The following TBC1D23 variants were observed in gnomAD, a reference collection of about 807,000 sequenced individuals.
TBC1D23 encodes TBC1 domain family member 23.
TBC1D23 carries 55 observed loss-of-function variants against 91.4 expected under a neutral mutation model. That is an observed-to-expected ratio of 0.60 (90% confidence interval 0.48 to 0.75). The LOEUF is 0.75. Among genes scored for constraint, TBC1D23 ranks in the 30% least tolerant of loss-of-function variants. The pLI is 0.00. For missense variants in TBC1D23, 725 were observed against 836.1 expected (o/e 0.87, Z 1.64); for synonymous variants, 289 against 281.0 (o/e 1.03, Z -0.28).
intron 5 of TBC1D23, among the ~76,000 whole-genome samples, chr3:100,291,451 G>A (rs561693594): frequency 4.3e-4 from 65 of 152,010 alleles, no homozygotes; most frequent in African/African-American, 1.1e-3. Flanking sequence ...GTGTGGTGGC[G>A]TGTACCTGTA....
At position 100,320,827 on chromosome 3, in the gene TBC1D23, C is replaced by G; in HGVS notation, c.1874C>G (p.Ser625Ter). 6.2e-7 allele frequency: 1 copy of G among 1,610,228 alleles called. No individual in the cohort carries two copies. The change falls in exon 18 of 19, where the codon TCA becomes TGA. Residue 625 changes from serine (S) to a stop codon, truncating the protein, a stop_gained. Transcript: ENST00000394144. LOFTEE classifies it high-confidence loss of function. ...ATGTACTGTTTAAGGGAGATTGTTT[C>G]ACGGAAAGGATTGGCTTATATACAG... ...THMYCLREIV[S>*]RKGLAYIQSR...
intron 15 of TBC1D23, chr3:100,315,775 C>T (rs1705732567): frequency 3.5e-6 from 1 of 288,394 alleles, no homozygotes; most frequent in African/African-American, 2.1e-5. Context: ...ATCAGAAACA[C>T]AAAAGGCTAA....
intron 15 of TBC1D23, among the ~76,000 whole-genome samples, chr3:100,313,898 A>T (rs957264508): frequency 2.7e-5 from 4 of 150,468 alleles, no homozygotes; most frequent in Admixed American, 2.0e-4. Flanking sequence ...TTTACAGGAC[A>T]ATTTTGTATT....
At chr3:100,264,775 A>G (rs563285695) in intron 1 of TBC1D23, among the ~76,000 whole-genome samples, 1 of 152,318 alleles carries the variant, frequency 6.6e-6, no homozygotes, top group East Asian at 1.9e-4. Context: ...GAAGATCTTA[A>G]AAGTATGTGG....
chr3:100,295,191 A>G lies in TBC1D23; in HGVS notation c.705A>G (p.Leu235=). The change falls in exon 6 of 19, where the codon TTA becomes TTG. Residue 235 remains leucine, a synonymous_variant. Coordinates refer to ENST00000394144, the MANE Select transcript of TBC1D23 (RefSeq NM_001199198.3). ...CATTTTTTATTTATTTCTTAATGTT[A>G]ATTATCCTTGTTAATGCAAAGTAAG... ...ADPFFIYFLM[L]IILVNAKEVI... is the part of the protein sequence containing the mutation. 2 of 1,602,412 alleles carry G rather than the reference A, an allele frequency of 1.2e-6. No individual in the cohort carries two copies. The highest frequency in any genetic ancestry group is 1.7e-6 in the Non-Finnish European group (2 of 1,175,978).
chr3:100,302,834 C>T (rs1403273378), intron 11 of TBC1D23, among the ~76,000 whole-genome samples: 1 of 152,178 alleles, frequency 6.6e-6, no homozygotes, highest in African/African-American at 2.4e-5. Context: ...GTGATCCGCC[C>T]TCCTCGGCCT....
rs71132518 is a variant in TBC1D23, at chr3:100,309,610, C to CTTTTTTTTTTTTTT, written c.1414-787_1414-774dup. On this transcript the variant is annotated intron_variant, in intron 13 of 18. Transcript: ENST00000394144. ...TATCCTAAATTTTTTATTCTACCTT[C>CTTTTTTTTTTTTTT]TTTTTTTTTTTTTTTTTTTGAGACA... Among the ~76,000 whole-genome samples, 40 of 116,118 alleles carry CTTTTTTTTTTTTTT rather than the reference C, an allele frequency of 3.4e-4. 2 individuals are homozygous for CTTTTTTTTTTTTTT. Among genetic ancestry groups the CTTTTTTTTTTTTTT allele is most frequent in the African/African-American group, 1.1e-3 (33 of 31,416 alleles). 76.2% of individuals were successfully genotyped at this position (116,118 alleles called of 152,430 possible). A position where few individuals can be genotyped will look rare whatever the true frequency, so the allele number is the denominator to read the frequency against.
chr3:100,324,510 T>A lies in TBC1D23; in HGVS notation c.*842T>A, dbSNP rs1705919299. 6.6e-6 allele frequency: 1 copy of A among 152,212 alleles called. No individual in the cohort carries two copies. The highest frequency in any genetic ancestry group is 1.5e-5 in the Non-Finnish European group (1 of 68,026). 9.4% of individuals were successfully genotyped at this position (152,212 alleles called of 1,614,324 possible). On this transcript the variant is annotated 3_prime_UTR_variant, in exon 19 of 19. Transcript: ENST00000394144. ...ACATTGATTTATCCTCATTGAGGAT[T>A]ATGGTCTGTGACCACAGTAATATCC...
rs532925188 is a variant in TBC1D23, at chr3:100,272,043, G to GA, written c.54-7605dup. ...CCTTACCTTTGTCTCCATCCACAGGGAGTATGGGGAGGATACTTACTCCCT... is the reference window on the plus strand; with the variant it reads ...CCTTACCTTTGTCTCCATCCACAGGGAAGTATGGGGAGGATACTTACTCCCT... On this transcript the variant is annotated intron_variant, in intron 1 of 18. Coordinates refer to ENST00000394144, the MANE Select transcript of TBC1D23 (RefSeq NM_001199198.3). 1.8e-3 allele frequency among the ~76,000 whole-genome samples: 279 copies of GA among 152,302 alleles called. 1 individual carries two copies. Among genetic ancestry groups the GA allele is most frequent in the African/African-American group, 6.3e-3 (260 of 41,566 alleles).
At chr3:100,279,627 A>G (rs1252263542) in intron 1 of TBC1D23, 22 bp from the exon 2 acceptor site, 1 of 1,441,388 alleles carries the variant, frequency 6.9e-7, no homozygotes. Context: ...GTTCATTTTA[A>G]TAAATAGGAC....
Position 100,295,076 on chromosome 3 carries a change from C to T in TBC1D23, c.601-11C>T, listed in dbSNP as rs772130455. 4 of 1,563,552 alleles carry T rather than the reference C, an allele frequency of 2.6e-6. No homozygotes were observed. The highest frequency in any genetic ancestry group is 1.2e-5 in the South Asian group (1 of 81,782). ...GTGGTTTATGTCTCTCATTTCATTT[C>T]CTGATTACAGCTTGGAAGTCTTTTT... On this transcript the variant is annotated splice_polypyrimidine_tract_variant and intron_variant, in intron 5 of 18. Coordinates refer to ENST00000394144, the MANE Select transcript of TBC1D23 (RefSeq NM_001199198.3).
In TBC1D23 at chr3:100,316,214, A is replaced by G. The variant is rs760988176; in HGVS notation, c.1687+27A>G. On this transcript the variant is annotated intron_variant, in intron 16 of 18. Transcript: ENST00000394144. ...TGTAGTAATACACTTAGCTACAGAC[A>G]GCTTTGCTGTCATTAGGAGTGATTA... 37 of 1,541,534 alleles carry G rather than the reference A, an allele frequency of 2.4e-5. No individual in the cohort carries two copies. The South Asian group carries it at 4.0e-4, about 17-fold the overall frequency.
intron 13 of TBC1D23, among the ~76,000 whole-genome samples, chr3:100,308,482 A>C (rs1362438672): frequency 6.6e-6 from 1 of 152,208 alleles, no homozygotes; most frequent in Non-Finnish European, 1.5e-5. Context: ...GTCTCAAAAA[A>C]AAAAAAAAAT....
At chr3:100,304,717 T>G in intron 11 of TBC1D23, 129 bp from the exon 12 acceptor site, 1 of 634,766 alleles carries the variant, frequency 1.6e-6, no homozygotes, top group Non-Finnish European at 2.8e-6. Flanking sequence ...GTCCAAAATG[T>G]CAAGGAAATG....
At position 100,261,082 on chromosome 3, in the gene TBC1D23, G is replaced by A. The variant is rs764038763; in HGVS notation, c.53+11G>A. 3.1e-6 allele frequency: 5 copies of A among 1,612,604 alleles called. No homozygotes were observed. The highest frequency in any genetic ancestry group is 4.2e-6 in the Non-Finnish European group (5 of 1,178,784). ...GAGCGGCGACGGCTGGTGAGTGAAA[G>A]CCGGGGCTAATTTCCAATGCCCCTT... On this transcript the variant is annotated intron_variant, in intron 1 of 18. Transcript: ENST00000394144.
chr3:100,295,905 A>C lies in TBC1D23; in HGVS notation c.773-267A>C, dbSNP rs189778142. Among the ~76,000 whole-genome samples, 403 of 152,264 alleles carry C rather than the reference A, an allele frequency of 2.6e-3. 1 individual carries two copies. The highest frequency in any genetic ancestry group is 9.3e-3 in the African/African-American group (386 of 41,546). On this transcript the variant is annotated intron_variant, in intron 7 of 18. Coordinates refer to ENST00000394144, the MANE Select transcript of TBC1D23 (RefSeq NM_001199198.3). ...TGTTCAGGGGCCTTGGCATTTCTTCATATATGTTTAATAAATAAATCATAG... is the reference window on the plus strand; with the variant it reads ...TGTTCAGGGGCCTTGGCATTTCTTCCTATATGTTTAATAAATAAATCATAG...
intron 1 of TBC1D23, among the ~76,000 whole-genome samples, chr3:100,267,775 A>G (rs990722769): frequency 3.9e-5 from 6 of 152,330 alleles, no homozygotes; most frequent in Admixed American, 2.0e-4. Context: ...CTCCACCTAT[A>G]TAAGAAAATA....
At chr3:100,292,865 T>G (rs756310449) in intron 5 of TBC1D23, among the ~76,000 whole-genome samples, 19 of 152,228 alleles carry the variant, frequency 1.2e-4, no homozygotes, top group Non-Finnish European at 2.2e-4. Context: ...CCTCCCAAAG[T>G]GCAGGGATTA....
chr3:100,281,815 A>T lies in TBC1D23; in HGVS notation c.239A>T (p.Asn80Ile). 1 of 1,610,874 alleles carries T rather than the reference A, an allele frequency of 6.2e-7. No individual in the cohort carries two copies. Among genetic ancestry groups the T allele is most frequent in the Non-Finnish European group, 8.5e-7 (1 of 1,178,156 alleles). ...WDGILDLPEQ[N>I]TIHKDCLQFI... ...GGTATTTTAGACTTGCCAGAACAGA[A>T]CACTATTCACAAAGATTGCCTGCAG... Residue 80 changes from asparagine to isoleucine, a missense_variant, in exon 3 of 19, where the codon AAC becomes ATC. Coordinates refer to ENST00000394144, the MANE Select transcript of TBC1D23 (RefSeq NM_001199198.3).
Sources: allele counts gnomAD v4.1 joint callset (sites outside exome capture counted in the v4.1 genomes callset), GRCh38; gene constraint gnomAD v4.1.1; transcripts MANE v1.5; gene names NCBI Gene and HGNC (gene_info 2026-07-23, HGNC 2026-07-21).